The following RAB38 variants were observed in gnomAD, a reference collection of about 807,000 sequenced individuals.
RAB38 encodes the protein ras-related protein Rab-38.
In RAB38, 15 loss-of-function variants were observed where a neutral mutation model predicts 18.4. The ratio of observed to expected loss-of-function variants is 0.82; its 90% CI spans 0.55 to 1.26. The LOEUF is 1.26. Ranked by LOEUF, RAB38 falls within the 50% of genes most tolerant of loss-of-function variation. RAB38 has a pLI of 0.00. For missense variants in RAB38, 294 were observed against 267.4 expected (o/e 1.10, Z -0.69); for synonymous variants, 101 against 104.4 (o/e 0.97, Z 0.20).
chr11:88,128,612 C>T (rs1548118), intron 2 of RAB38, among the ~76,000 whole-genome samples: 128,384 of 152,196 alleles, frequency 0.84, 54,431 homozygotes, highest in Middle Eastern at 0.93. Context: ...ATTTTTCCTA[C>T]CTGCCCTCAG....
intron 2 of RAB38, among the ~76,000 whole-genome samples, chr11:88,132,994 A>G (rs909373675): frequency 6.6e-6 from 1 of 152,214 alleles, no homozygotes; most frequent in African/African-American, 2.4e-5. Flanking sequence ...ACAGCTGTTG[A>G]AAATAAATTA....
At chr11:87,855,915 C>G in the RAB38 span, among the ~76,000 whole-genome samples, 8,895 of 152,128 alleles carry the variant, frequency 0.058, 392 homozygotes, top group African/African-American at 0.13. Context: ...GCTCCCTATA[C>G]GGCAACATGT....
intron 2 of RAB38, among the ~76,000 whole-genome samples, chr11:88,128,286 T>C (rs1942728532): frequency 6.6e-6 from 1 of 152,252 alleles, no homozygotes; most frequent in Non-Finnish European, 1.5e-5. Context: ...AGGTGACTCC[T>C]GAGACTATCT....
chr11:87,845,075 A>G, the RAB38 span, among the ~76,000 whole-genome samples: 1 of 152,224 alleles, frequency 6.6e-6, no homozygotes, highest in Non-Finnish European at 1.5e-5. Context: ...ACCATCATCC[A>G]CAGAAAGTAA....
the RAB38 span, among the ~76,000 whole-genome samples, chr11:88,094,281 T>C: frequency 6.6e-6 from 1 of 151,906 alleles, no homozygotes; most frequent in East Asian, 1.9e-4. Flanking sequence ...AAAATTCCAT[T>C]ACATGGCTTG....
chr11:87,951,740 C>CTGATTGAT, the RAB38 span, among the ~76,000 whole-genome samples: 1 of 152,062 alleles, frequency 6.6e-6, no homozygotes, highest in Non-Finnish European at 1.5e-5. Context: ...ATGCTGCTCC[C>CTGATTGAT]TGATTGTTCC....
At chr11:87,848,563 G>T in the RAB38 span, among the ~76,000 whole-genome samples, 1 of 151,704 alleles carries the variant, frequency 6.6e-6, no homozygotes, top group African/African-American at 2.4e-5. Flanking sequence ...ATGTTCACAT[G>T]CCTGTATATT....
the RAB38 span, chr11:88,061,744 A>T: frequency 2.0e-5 from 3 of 152,064 alleles, no homozygotes; most frequent in African/African-American, 7.2e-5. Context: ...CTTGTGATCA[A>T]CTCACAGTGT....
chr11:88,090,158 A>G, the RAB38 span, among the ~76,000 whole-genome samples: 2 of 151,982 alleles, frequency 1.3e-5, no homozygotes, highest in Non-Finnish European at 1.5e-5. Context: ...CTTTTCACAG[A>G]ATAAGTATAA....
chr11:87,837,756 T>G, the RAB38 span, among the ~76,000 whole-genome samples: 1 of 152,216 alleles, frequency 6.6e-6, no homozygotes, highest in African/African-American at 2.4e-5. Context: ...ACACAGATAG[T>G]GTTCCTTTGC....
chr11:88,116,725 A>G (rs1318801299), intron 2 of RAB38, among the ~76,000 whole-genome samples: 3 of 152,228 alleles, frequency 2.0e-5, no homozygotes, highest in Non-Finnish European at 2.9e-5. Context: ...TAATAAAAAC[A>G]TGTTTATATG....
intron 1 of RAB38, among the ~76,000 whole-genome samples, chr11:88,169,619 G>C (rs900114045): frequency 1.3e-5 from 2 of 152,196 alleles, no homozygotes; most frequent in Non-Finnish European, 2.9e-5. Context: ...GACTGAATTA[G>C]AGGGCCAGAT....
At chr11:87,859,673 T>A in the RAB38 span, among the ~76,000 whole-genome samples, 1 of 152,108 alleles carries the variant, frequency 6.6e-6, no homozygotes, top group Admixed American at 6.6e-5. Context: ...GGAAATTTAC[T>A]GGCTCGCATC....
At chr11:87,917,020 A>G in the RAB38 span, among the ~76,000 whole-genome samples, 2 of 152,152 alleles carry the variant, frequency 1.3e-5, no homozygotes, top group Non-Finnish European at 2.9e-5. Flanking sequence ...GTCATCCAGG[A>G]CATATGCATA....
intron 2 of RAB38, among the ~76,000 whole-genome samples, chr11:88,125,950 C>G (rs1422687848): frequency 6.6e-6 from 1 of 152,170 alleles, no homozygotes; most frequent in Non-Finnish European, 1.5e-5. Flanking sequence ...CCAGTTTTCC[C>G]AGCACCATTT....
At chr11:87,976,656 AT>A in the RAB38 span, among the ~76,000 whole-genome samples, 1 of 17,010 alleles carries the variant, frequency 5.9e-5, no homozygotes, top group Non-Finnish European at 1.2e-4. Context: ...ATATATAAAT[AT>A]ATATAATTTT....
At chr11:87,837,196 C>A in the RAB38 span, among the ~76,000 whole-genome samples, 1 of 152,178 alleles carries the variant, frequency 6.6e-6, no homozygotes, top group East Asian at 1.9e-4. Flanking sequence ...CTCCTGAACT[C>A]AAAACTGAGT....
chr11:88,143,733 A>G (rs1942946573), intron 2 of RAB38, among the ~76,000 whole-genome samples: 1 of 152,238 alleles, frequency 6.6e-6, no homozygotes, highest in Non-Finnish European at 1.5e-5. Flanking sequence ...AGCTCTAAGT[A>G]GTGAAAATAT....
the RAB38 span, among the ~76,000 whole-genome samples, chr11:88,022,874 A>G: frequency 6.6e-6 from 1 of 152,112 alleles, no homozygotes; most frequent in Non-Finnish European, 1.5e-5. Context: ...TGTCTTTATA[A>G]TACAATGATT....
Sources: gnomAD v4.1 joint callset for allele counts (sites outside exome capture counted in the v4.1 genomes callset) on GRCh38, gnomAD v4.1.1 for gene constraint, MANE v1.5 for transcripts, NCBI Gene and HGNC (gene_info 2026-07-23, HGNC 2026-07-21) for gene names.